ASTN2: variants seen among roughly 807,000 people sequenced by gnomAD.
ASTN2 encodes the protein astrotactin-2.
In ASTN2, 54 loss-of-function variants were observed where a neutral mutation model predicts 139.8. The observed-to-expected ratio is 0.39, with a 90% confidence interval of 0.31 to 0.48. The LOEUF (loss-of-function observed/expected upper bound fraction) is 0.48. Among genes scored for constraint, ASTN2 ranks in the 20% least tolerant of loss-of-function variants. The probability of loss-of-function intolerance (pLI) is 0.95; values close to 1 mark genes in which losing one functional copy is unlikely to be tolerated. For synonymous variants in ASTN2, 756 were observed against 719.5 expected (o/e 1.05, Z -0.81); for missense variants, 1,565 against 1,725.1 (o/e 0.91, Z 1.64).
In ASTN2 at chr9:117,208,807, G is replaced by T. The variant is rs141374302; in HGVS notation, c.1015+5551C>A. 2.8e-3 allele frequency among the ~76,000 whole-genome samples: 423 copies of T among 152,286 alleles called. 3 individuals are homozygous for T. Among genetic ancestry groups the T allele is most frequent in the African/African-American group, 9.2e-3 (382 of 41,564 alleles). ...AACAGTGGATTTCTCAGCCAGGAGAGAATGAGATGACATATTCCAAGCCCT... is the reference window on the plus strand; with the variant it reads ...AACAGTGGATTTCTCAGCCAGGAGATAATGAGATGACATATTCCAAGCCCT... On this transcript the variant is annotated intron_variant, in intron 3 of 22. Transcript: ENST00000313400.
intron 2 of ASTN2, among the ~76,000 whole-genome samples, chr9:117,247,636 C>G (rs1051884822): frequency 6.6e-6 from 1 of 152,218 alleles, no homozygotes; most frequent in African/African-American, 2.4e-5. Context: ...CATCCAGCAC[C>G]AGCAGCTCCT....
intron 2 of ASTN2, among the ~76,000 whole-genome samples, chr9:117,246,781 C>T (rs765726538): frequency 1.3e-5 from 2 of 152,034 alleles, no homozygotes; most frequent in Non-Finnish European, 2.9e-5. Flanking sequence ...TAAAGTGTGC[C>T]CTTATTTCAA....
intron 2 of ASTN2, among the ~76,000 whole-genome samples, chr9:117,225,574 T>TATATATATATATATATATACACAC (rs371374987): frequency 1.3e-5 from 1 of 77,946 alleles, no homozygotes; most frequent in Admixed American, 1.7e-4. Flanking sequence ...TATATATATA[T>TATATATATATATATATATACACAC]ACAGATGAAC....
In ASTN2 at chr9:116,967,819, G is replaced by A. The variant is rs1242252859; in HGVS notation, c.1889+7389C>T. ...TGGCCCCGACTCCAGCCTACTCCAC[G>A]TGTCCTGCTGCCCCAACCCTCCCTT... On this transcript the variant is annotated intron_variant, in intron 10 of 22. Transcript: ENST00000313400. Among the ~76,000 whole-genome samples, 6 of 152,210 alleles carry A rather than the reference G, an allele frequency of 3.9e-5. No individual in the cohort carries two copies. In the South Asian group the frequency reaches 1.0e-3, roughly 26 times the overall value.
At chr9:117,007,430 C>G (rs115261877) in intron 7 of ASTN2, among the ~76,000 whole-genome samples, 1 of 152,096 alleles carries the variant, frequency 6.6e-6, no homozygotes, top group African/African-American at 2.4e-5. Flanking sequence ...CACTTGAAAT[C>G]TGGGTGGTAT....
intron 20 of ASTN2, among the ~76,000 whole-genome samples, chr9:116,450,367 T>A (rs967281568): frequency 2.0e-5 from 3 of 152,198 alleles, no homozygotes; most frequent in African/African-American, 4.8e-5. Flanking sequence ...GAATGTAGTA[T>A]CATTTGCTTA....
intron 2 of ASTN2, among the ~76,000 whole-genome samples, chr9:117,217,873 T>G (rs1466186567): frequency 6.6e-6 from 1 of 152,230 alleles, no homozygotes; most frequent in Non-Finnish European, 1.5e-5. Context: ...CAACTTGCCT[T>G]GGATCCCCAA....
chr9:117,188,948 T>C (rs1310076645), intron 3 of ASTN2, among the ~76,000 whole-genome samples: 1 of 152,030 alleles, frequency 6.6e-6, no homozygotes, highest in Non-Finnish European at 1.5e-5. Context: ...TGAGTGCCCT[T>C]TCCCCAGAGC....
chr9:117,256,713 T>C (rs1833696825), intron 2 of ASTN2, among the ~76,000 whole-genome samples: 2 of 152,182 alleles, frequency 1.3e-5, no homozygotes, highest in Admixed American at 1.3e-4. Flanking sequence ...AGAGAAATTA[T>C]TACCATTCTT....
intron 1 of ASTN2, among the ~76,000 whole-genome samples, chr9:117,364,998 C>CACAA (rs1564167751): frequency 1.6e-5 from 2 of 123,582 alleles, no homozygotes; most frequent in Admixed American, 7.7e-5. Context: ...CACACACACA[C>CACAA]AAAATCAGCC....
At chr9:116,993,502 A>G (rs958836550) in intron 7 of ASTN2, among the ~76,000 whole-genome samples, 5 of 151,748 alleles carry the variant, frequency 3.3e-5, no homozygotes, top group African/African-American at 4.8e-5. Flanking sequence ...AACATGTGAT[A>G]CACTTTATCA....
In ASTN2 at chr9:116,951,164, C is replaced by G. The variant is rs572153545; in HGVS notation, c.1889+24044G>C. On this transcript the variant is annotated intron_variant, in intron 10 of 22. Coordinates refer to ENST00000313400, the MANE Select transcript of ASTN2 (RefSeq NM_001365068.1). ...ACCACCCTGACCAACATGGAGAAAC[C>G]CTGTCTCTACTAAAAATACAAAATT... is the stretch of plus-strand genomic sequence containing the variant. 1.8e-4 allele frequency among the ~76,000 whole-genome samples: 28 copies of G among 151,750 alleles called. No individual in the cohort carries two copies. In the East Asian group the frequency reaches 5.5e-3, roughly 30 times the overall value.
chr9:116,523,982 T>C (rs1850986980), intron 19 of ASTN2, among the ~76,000 whole-genome samples: 1 of 152,160 alleles, frequency 6.6e-6, no homozygotes. Flanking sequence ...GGTGAATTTT[T>C]AGCAAGGAGA....
chr9:117,317,338 C>T (rs1343724670), intron 1 of ASTN2, among the ~76,000 whole-genome samples: 12 of 152,170 alleles, frequency 7.9e-5, no homozygotes, highest in Admixed American at 5.9e-4. Flanking sequence ...CATCTGTAGA[C>T]CCCTCAAATG....
Position 116,780,292 on chromosome 9 carries a change from A to G in ASTN2, c.2396+25340T>C, listed in dbSNP as rs116624360. 7.9e-3 allele frequency among the ~76,000 whole-genome samples: 1,196 copies of G among 152,350 alleles called. 12 individuals carry two copies. The highest frequency in any genetic ancestry group is 0.027 in the African/African-American group (1,111 of 41,576). ...ACACCTACTGTGTGCTCACTGCTTC[A>G]TATGCATTATCTGATTTAAATGCAC... is the stretch of plus-strand genomic sequence containing the variant. On this transcript the variant is annotated intron_variant, in intron 13 of 22. Coordinates refer to ENST00000313400, the MANE Select transcript of ASTN2 (RefSeq NM_001365068.1).
At chr9:117,286,503 T>C (rs1225558847) in intron 2 of ASTN2, among the ~76,000 whole-genome samples, 3 of 152,048 alleles carry the variant, frequency 2.0e-5, no homozygotes. Flanking sequence ...CTTCCCACTT[T>C]CTAAATAAGG....
At chr9:117,330,399 C>G (rs1828665554) in intron 1 of ASTN2, among the ~76,000 whole-genome samples, 1 of 152,204 alleles carries the variant, frequency 6.6e-6, no homozygotes, top group Non-Finnish European at 1.5e-5. Flanking sequence ...CGAAGCCCCT[C>G]TCTGGATTGG....
intron 10 of ASTN2, among the ~76,000 whole-genome samples, chr9:116,956,999 C>A (rs1284793450): frequency 6.6e-6 from 1 of 151,690 alleles, no homozygotes; most frequent in Non-Finnish European, 1.5e-5. Flanking sequence ...TGGTAACAAT[C>A]CCCACAAGGA....
chr9:117,075,943 T>C (rs1480764878), intron 5 of ASTN2, among the ~76,000 whole-genome samples: 18 of 152,178 alleles, frequency 1.2e-4, no homozygotes, highest in Admixed American at 1.1e-3. Context: ...TCCAGTCTCC[T>C]GAAGAGACCT....
Sources: gnomAD v4.1 joint callset for allele counts (sites outside exome capture counted in the v4.1 genomes callset) on GRCh38, gnomAD v4.1.1 for gene constraint, MANE v1.5 for transcripts, NCBI Gene and HGNC (gene_info 2026-07-23, HGNC 2026-07-21) for gene names.